AR: variants seen among roughly 807,000 people sequenced by gnomAD.
AR encodes the protein dihydrotestosterone receptor.
Under a neutral mutation model 53.9 loss-of-function variants are expected in AR, and 8 were observed. That is an observed-to-expected ratio of 0.15 (90% CI 0.09 to 0.27). The LOEUF (loss-of-function observed/expected upper bound fraction) is 0.27, where lower values mean the gene tolerates loss of function less well. Ranked by LOEUF, AR falls within the 10% of genes least tolerant of loss-of-function variation. AR has a pLI of 1.00. For missense variants in AR, 639 were observed against 742.5 expected (o/e 0.86, Z 1.62); for synonymous variants, 359 against 316.4 (o/e 1.13, Z -1.43).
chrX:67,701,658 C>A (rs1184007786), intron 3 of AR, among the ~76,000 whole-genome samples: 2 of 106,630 alleles, frequency 1.9e-5, no homozygotes, highest in Non-Finnish European at 3.8e-5. Context: ...TTTCAATTCA[C>A]CAGTGTACTA....
chrX:67,553,048 A>C lies in AR; in HGVS notation c.1616+6286A>C, dbSNP rs1003482179. On this transcript the variant is annotated intron_variant, in intron 1 of 7. Transcript: ENST00000374690. ...AATGGTATCTAGATTGAAGCACAAAAATGTTTTTAAGTTTGATGAAGTCCA... is the reference window on the plus strand; with the variant it reads ...AATGGTATCTAGATTGAAGCACAAACATGTTTTTAAGTTTGATGAAGTCCA... Among the ~76,000 whole-genome samples, 3 of 111,210 alleles carry C rather than the reference A, an allele frequency of 2.7e-5. No individual in the cohort carries two copies. The South Asian group carries it at 1.1e-3, about 42-fold the overall frequency.
intron 1 of AR, among the ~76,000 whole-genome samples, chrX:67,604,106 A>G (rs1923509064): frequency 9.1e-6 from 1 of 110,134 alleles, no homozygotes; most frequent in Non-Finnish European, 1.9e-5. Flanking sequence ...AGTCAGAGGA[A>G]AGAACCCTTT....
chrX:67,607,850 T>A (rs1923702622), intron 1 of AR, among the ~76,000 whole-genome samples: 1 of 111,575 alleles, frequency 9.0e-6, no homozygotes, highest in Admixed American at 9.5e-5. Context: ...CTGTATTGGC[T>A]TCTTCCCTGC....
intron 1 of AR, among the ~76,000 whole-genome samples, chrX:67,633,070 A>C (rs1925247004): frequency 8.9e-6 from 1 of 112,406 alleles, no homozygotes; most frequent in Non-Finnish European, 1.9e-5. Context: ...TAAAATGTAA[A>C]GTCATGCAGC....
intron 3 of AR, among the ~76,000 whole-genome samples, chrX:67,692,507 C>A (rs138052465): frequency 2.7e-5 from 3 of 111,876 alleles, no homozygotes; most frequent in African/African-American, 9.7e-5. Context: ...TTTAAGATGT[C>A]CTGTGGTATA....
chrX:67,721,092 T>C (rs1189073937), intron 5 of AR, among the ~76,000 whole-genome samples: 1 of 111,687 alleles, frequency 9.0e-6, no homozygotes, highest in South Asian at 3.8e-4. Flanking sequence ...CAGAAGTGAC[T>C]ATAATAAATG....
chrX:67,562,356 ATGTGTGTGTG>A (rs756124629), intron 1 of AR, among the ~76,000 whole-genome samples: 11 of 95,031 alleles, frequency 1.2e-4, no homozygotes, highest in Admixed American at 1.0e-3. Context: ...TATGGTGTAT[ATGTGTGTGTG>A]TGTGTGTGTG....
chrX:67,572,413 C>T (rs1396583044), intron 1 of AR, among the ~76,000 whole-genome samples: 1 of 111,548 alleles, frequency 9.0e-6, no homozygotes, highest in Non-Finnish European at 1.9e-5. Flanking sequence ...GTTATGACCT[C>T]AGGGGTGTAG....
chrX:67,710,236 G>A (rs2076088319), intron 3 of AR, among the ~76,000 whole-genome samples: 1 of 111,847 alleles, frequency 8.9e-6, no homozygotes. Context: ...AGACATGCTA[G>A]ACATAGACAC....
chrX:67,615,119 C>T (rs1008958723), intron 1 of AR, among the ~76,000 whole-genome samples: 10 of 110,251 alleles, frequency 9.1e-5, no homozygotes, highest in Non-Finnish European at 1.9e-4. Context: ...AAAGACACAT[C>T]ATTAGGAGAA....
intron 2 of AR, among the ~76,000 whole-genome samples, chrX:67,657,410 G>C (rs185311234): frequency 2.7e-5 from 3 of 110,615 alleles, no homozygotes; most frequent in Non-Finnish European, 5.7e-5. Context: ...GCATTCACCC[G>C]ACTGAAAGGT....
chrX:67,695,811 T>A (rs1273384107), intron 3 of AR: 6 of 726,692 alleles, frequency 8.3e-6, no homozygotes, highest in African/African-American at 2.6e-5. Context: ...ACACACACTC[T>A]CTCTCTCTCT....
At chrX:67,606,830 G>A (rs1304817690) in intron 1 of AR, among the ~76,000 whole-genome samples, 1 of 111,535 alleles carries the variant, frequency 9.0e-6, no homozygotes, top group Non-Finnish European at 1.9e-5. Flanking sequence ...AGAGATAGTG[G>A]GATCATTCTG....
intron 2 of AR, among the ~76,000 whole-genome samples, chrX:67,653,035 C>A (rs1926420611): frequency 9.0e-6 from 1 of 111,727 alleles, no homozygotes; most frequent in Non-Finnish European, 1.9e-5. Context: ...ACAGTGATAT[C>A]CAACATGGCT....
chrX:67,569,103 T>A, intron 1 of AR: 1 of 1,074,411 alleles, frequency 9.3e-7, no homozygotes, highest in Non-Finnish European at 1.3e-6. Flanking sequence ...TGACCTAATA[T>A]TACGCAGCCA....
chrX:67,660,929 A>G (rs1173214792), intron 2 of AR, among the ~76,000 whole-genome samples: 2 of 111,272 alleles, frequency 1.8e-5, no homozygotes, highest in Admixed American at 9.6e-5. Flanking sequence ...AGGTCCTTCA[A>G]GTCCCTTGTA....
Position 67,686,093 on chromosome X carries a change from C to T in AR, c.1852C>T (p.Arg618Trp), listed in dbSNP as rs1218564193. 3 of 1,210,781 alleles carry T rather than the reference C, an allele frequency of 2.5e-6. No homozygotes were observed. Among genetic ancestry groups the T allele is most frequent in the Admixed American group, 2.2e-5 (1 of 45,969 alleles). ...GAAAAATTGTCCATCTTGTCGTCTT[C>T]GGAAATGTTATGAAGCAGGGATGAC... ...RRKNCPSCRL[R>W]KCYEAGMTLG... The change falls in exon 3 of 8, where the codon CGG (arginine) becomes TGG (tryptophan). Residue 618 changes from arginine (R) to tryptophan (W), a missense_variant. Around this residue, in one of 5 missense-constraint regions of AR, gnomAD observed 19 missense variants for 48.3 expected, o/e 0.39. Transcript: ENST00000374690.
At chrX:67,723,654 C>A (rs1314436152) in intron 7 of AR, 32 bp from the exon 8 acceptor site, 11 of 1,204,566 alleles carry the variant, frequency 9.1e-6, no homozygotes, top group Non-Finnish European at 1.1e-5. Context: ...CCTTGTCAAC[C>A]CTGTTTTTCT....
chrX:67,649,025 G>A (rs1926201416), intron 2 of AR, among the ~76,000 whole-genome samples: 1 of 111,184 alleles, frequency 9.0e-6, no homozygotes, highest in South Asian at 3.8e-4. Flanking sequence ...CCCTCCACTA[G>A]CCCACCACCC....
Sources: gnomAD v4.1 joint callset for allele counts (sites outside exome capture counted in the v4.1 genomes callset) on GRCh38, gnomAD v4.1.1 for gene constraint, gnomAD v4.1.1 regional missense constraint, MANE v1.5 for transcripts, NCBI Gene and HGNC (gene_info 2026-07-23, HGNC 2026-07-21) for gene names.